The following HPSE2 variants were observed in gnomAD, a reference collection of about 807,000 sequenced individuals.
The protein encoded by HPSE2 is inactive heparanase-2.
Under a neutral mutation model 60.5 loss-of-function variants are expected in HPSE2, and 38 were observed. That is an observed-to-expected ratio of 0.63 (90% confidence interval 0.48 to 0.82). The LOEUF is 0.82. Ranked by LOEUF, HPSE2 falls within the 40% of genes least tolerant of loss-of-function variation. The pLI, the probability that HPSE2 is intolerant of heterozygous loss-of-function variation, is 0.00. For missense variants in HPSE2, 713 were observed against 740.4 expected (o/e 0.96, Z 0.43); for synonymous variants, 295 against 293.2 (o/e 1.01, Z -0.06).
chr10:99,312,482 T>C, the HPSE2 span, among the ~76,000 whole-genome samples: 1 of 152,360 alleles, frequency 6.6e-6, no homozygotes, highest in South Asian at 2.1e-4. Context: ...TTCCATTTTG[T>C]TGTCACAAAG....
chr10:98,662,800 CAT>C (rs1352684115), intron 6 of HPSE2, among the ~76,000 whole-genome samples: 1 of 152,132 alleles, frequency 6.6e-6, no homozygotes, highest in East Asian at 1.9e-4. Context: ...GCTAGGAACT[CAT>C]AGAAGTTTTG....
At chr10:99,079,966 T>C (rs1411734609) in intron 3 of HPSE2, among the ~76,000 whole-genome samples, 1 of 151,928 alleles carries the variant, frequency 6.6e-6, no homozygotes, top group Non-Finnish European at 1.5e-5. Flanking sequence ...AATTAGGAGG[T>C]TTCTTTCTGA....
At chr10:98,558,484 A>T (rs1944078405) in intron 9 of HPSE2, among the ~76,000 whole-genome samples, 1 of 152,242 alleles carries the variant, frequency 6.6e-6, no homozygotes, top group Non-Finnish European at 1.5e-5. Flanking sequence ...CCACAAATAT[A>T]ATGTTGAGCG....
chr10:99,005,968 T>TA (rs1485923724), intron 3 of HPSE2, among the ~76,000 whole-genome samples: 1 of 152,026 alleles, frequency 6.6e-6, no homozygotes, highest in African/African-American at 2.4e-5. Context: ...TCCACGGGGT[T>TA]AAGCCTAGGG....
chr10:98,495,967 T>C (rs1941823443), intron 9 of HPSE2, among the ~76,000 whole-genome samples: 1 of 152,176 alleles, frequency 6.6e-6, no homozygotes, highest in African/African-American at 2.4e-5. Context: ...TGTTGGAAAC[T>C]GGACATTTGA....
intron 9 of HPSE2, among the ~76,000 whole-genome samples, chr10:98,537,818 G>T (rs1589384572): frequency 1.3e-5 from 2 of 152,334 alleles, no homozygotes; most frequent in East Asian, 1.9e-4. Flanking sequence ...TCATCCGGAG[G>T]CCTAAACCCC....
Position 99,088,620 on chromosome 10 carries a change from C to A in HPSE2, c.610+55618G>T, listed in dbSNP as rs145620859. 1.3e-3 allele frequency among the ~76,000 whole-genome samples: 197 copies of A among 152,210 alleles called. 1 individual carries two copies. The highest frequency in any genetic ancestry group is 4.5e-3 in the African/African-American group (185 of 41,532). On this transcript the variant is annotated intron_variant, in intron 3 of 11. Coordinates refer to ENST00000370552, the MANE Select transcript of HPSE2 (RefSeq NM_021828.5). ...ACTCATAGATTGATGGGCATTTGGG[C>A]GGGTTCCACATTTTTGCAACTGTGA...
At chr10:99,235,995 TTTTC>T (rs1286822603), upstream of HPSE2, 47 of 495,324 alleles carry the variant, frequency 9.5e-5, no homozygotes, top group African/African-American at 7.6e-4. Context: ...CGTTTTGTTT[TTTTC>T]TTTTTTTTTT....
At chr10:98,904,709 C>T (rs1362668217) in intron 3 of HPSE2, among the ~76,000 whole-genome samples, 1 of 152,126 alleles carries the variant, frequency 6.6e-6, no homozygotes, top group East Asian at 1.9e-4. Flanking sequence ...GAATTATCTC[C>T]ATATTTCCTA....
intron 3 of HPSE2, among the ~76,000 whole-genome samples, chr10:98,817,288 G>T (rs543997556): frequency 2.3e-4 from 35 of 152,198 alleles, no homozygotes; most frequent in Non-Finnish European, 4.0e-4. Context: ...GACTACAGCT[G>T]GTTATTTGTT....
intron 3 of HPSE2, among the ~76,000 whole-genome samples, chr10:98,814,646 A>C (rs1951243164): frequency 6.6e-6 from 1 of 152,246 alleles, no homozygotes; most frequent in African/African-American, 2.4e-5. Context: ...AAGGGCAGAT[A>C]CATCAAACTG....
At chr10:99,125,213 C>G (rs1845117644) in intron 3 of HPSE2, among the ~76,000 whole-genome samples, 1 of 152,206 alleles carries the variant, frequency 6.6e-6, no homozygotes, top group Non-Finnish European at 1.5e-5. Context: ...CTAAGAATCA[C>G]TGCTCTGGAT....
At chr10:98,943,466 A>G (rs1252823006) in intron 3 of HPSE2, among the ~76,000 whole-genome samples, 1 of 152,030 alleles carries the variant, frequency 6.6e-6, no homozygotes, top group East Asian at 1.9e-4. Flanking sequence ...AGCCTCCAAG[A>G]CAGGCCCTAA....
At chr10:98,764,221 A>G (rs1950069679) in intron 3 of HPSE2, among the ~76,000 whole-genome samples, 1 of 152,182 alleles carries the variant, frequency 6.6e-6, no homozygotes, top group South Asian at 2.1e-4. Context: ...GTATTTTTTA[A>G]TTCCTGAAGA....
intron 6 of HPSE2, among the ~76,000 whole-genome samples, chr10:98,644,483 A>G (rs1298274554): frequency 6.6e-6 from 1 of 152,182 alleles, no homozygotes; most frequent in Non-Finnish European, 1.5e-5. Flanking sequence ...AGAGGCAGGG[A>G]TGGAGATGGC....
chr10:99,148,157 T>C (rs1012543688), intron 2 of HPSE2, among the ~76,000 whole-genome samples: 5 of 152,196 alleles, frequency 3.3e-5, no homozygotes, highest in African/African-American at 1.2e-4. Context: ...CTGTGCTACA[T>C]TCCTTGCCTC....
At chr10:98,856,687 T>C (rs1194291931) in intron 3 of HPSE2, among the ~76,000 whole-genome samples, 1 of 152,184 alleles carries the variant, frequency 6.6e-6, no homozygotes, top group Non-Finnish European at 1.5e-5. Context: ...TTAATGCCAC[T>C]GGACTGTAAA....
chr10:99,098,554 G>A (rs1447394580), intron 3 of HPSE2, among the ~76,000 whole-genome samples: 12 of 152,070 alleles, frequency 7.9e-5, no homozygotes, highest in Admixed American at 5.9e-4. Flanking sequence ...TACTTCTTAT[G>A]TGCCACTTTT....
intron 3 of HPSE2, among the ~76,000 whole-genome samples, chr10:98,971,031 G>A (rs1673052225): frequency 6.6e-6 from 1 of 152,192 alleles, no homozygotes; most frequent in African/African-American, 2.4e-5. Flanking sequence ...GTACATTACA[G>A]AGGCTATATT....
Sources: gnomAD v4.1 joint callset for allele counts (sites outside exome capture counted in the v4.1 genomes callset) on GRCh38, gnomAD v4.1.1 for gene constraint, MANE v1.5 for transcripts, NCBI Gene and HGNC (gene_info 2026-07-23, HGNC 2026-07-21) for gene names.